Variants in SLC1A3 observed in about 807,000 individuals in gnomAD.
SLC1A3 encodes solute carrier family 1 member 3.
In SLC1A3, 21 loss-of-function variants were observed where a neutral mutation model predicts 48.1. The observed-to-expected ratio is 0.44, with a 90% CI of 0.31 to 0.63. The LOEUF (loss-of-function observed/expected upper bound fraction) is 0.63. Ranked by LOEUF, SLC1A3 falls within the 20% of genes least tolerant of loss-of-function variation. SLC1A3 has a pLI of 0.08. For missense variants in SLC1A3, 546 were observed against 689.0 expected, an observed-to-expected ratio of 0.79 and a Z score of 2.32; for synonymous variants, 239 against 251.4, an observed-to-expected ratio of 0.95 and a Z score of 0.47.
chr5:36,626,827 T>C (rs17368211), intron 2 of SLC1A3, among the ~76,000 whole-genome samples: 19,262 of 152,222 alleles, frequency 0.13, 1,447 homozygotes, highest in Non-Finnish European at 0.17. Flanking sequence ...ATAATGCACA[T>C]TGTAAATCAG....
rs142468556 is a variant in SLC1A3, at chr5:36,626,184, GTGT to G, written c.182-3259_182-3257del. Among the ~76,000 whole-genome samples, 156 of 152,264 alleles carry G rather than the reference GTGT, an allele frequency of 1.0e-3. 1 individual carries two copies. The highest frequency in any genetic ancestry group is 3.8e-3 in the African/African-American group (156 of 41,550). ...GAGGAAGAGGCTGTATACACAACCA[GTGT>G]TGTTGTATCAATGGGAGTAGAGTTA... On this transcript the variant is annotated intron_variant, in intron 2 of 9. Transcript: ENST00000265113.
intron 3 of SLC1A3, among the ~76,000 whole-genome samples, chr5:36,634,242 G>A (rs1418501513): frequency 6.6e-6 from 1 of 151,898 alleles, no homozygotes; most frequent in Non-Finnish European, 1.5e-5. Flanking sequence ...CGCCACTGTA[G>A]TCCAGCCTGG....
At chr5:36,623,877 A>G (rs910214493) in intron 2 of SLC1A3, among the ~76,000 whole-genome samples, 2 of 151,796 alleles carry the variant, frequency 1.3e-5, no homozygotes, top group Non-Finnish European at 2.9e-5. Flanking sequence ...AAAAAAAAAA[A>G]AAGAAAAGAA....
chr5:36,638,124 G>A (rs6861465), intron 3 of SLC1A3, among the ~76,000 whole-genome samples: 3 of 152,256 alleles, frequency 2.0e-5, no homozygotes, highest in Non-Finnish European at 2.9e-5. Flanking sequence ...ATACAGGGTC[G>A]CAGAGGTGTA....
At chr5:36,631,682 G>A (rs774186036) in intron 3 of SLC1A3, among the ~76,000 whole-genome samples, 2 of 152,164 alleles carry the variant, frequency 1.3e-5, no homozygotes, top group South Asian at 2.1e-4. Context: ...AATTTAGTTC[G>A]CCAAAGATCT....
At chr5:36,599,831 A>G (rs1369203031) in intron 1 of SLC1A3, among the ~76,000 whole-genome samples, 1 of 147,922 alleles carries the variant, frequency 6.8e-6, no homozygotes, top group African/African-American at 2.5e-5. Flanking sequence ...TTATTTATTT[A>G]TTTGAGACGG....
intron 7 of SLC1A3, 114 bp from the exon 8 acceptor site, chr5:36,680,281 C>A: frequency 1.2e-6 from 1 of 869,412 alleles, no homozygotes; most frequent in Non-Finnish European, 1.9e-6. Context: ...TGACTTAGTT[C>A]CCTTTAAGTT....
chr5:36,636,483 C>A (rs565524011), intron 3 of SLC1A3: 3 of 143,628 alleles, frequency 2.1e-5, no homozygotes, highest in Admixed American at 6.9e-5. Context: ...TTCTTTCTTT[C>A]TTTCTTTCTT....
At position 36,610,624 on chromosome 5, in the gene SLC1A3, C is replaced by T. The variant is rs1322746025; in HGVS notation, c.181+2020C>T. On this transcript the variant is annotated intron_variant, in intron 2 of 9. Coordinates refer to ENST00000265113, the MANE Select transcript of SLC1A3 (RefSeq NM_004172.5). ...GAAGGAAGTTCCTAAGTCATTAGTA[C>T]AAAGCAATAACATCTCTAATAAAAA... Among the ~76,000 whole-genome samples the T allele has an allele frequency of 3.3e-5, 5 of 152,094 alleles. No individual in the cohort carries two copies. The East Asian group carries it at 9.7e-4, about 30-fold the overall frequency.
intron 3 of SLC1A3, chr5:36,636,463 T>TTTTCTCTTTC (rs1554041159): frequency 4.4e-5 from 3 of 68,598 alleles, no homozygotes; most frequent in African/African-American, 7.3e-5. Context: ...TCTTTCTTTC[T>TTTTCTCTTTC]TTTCTTTCTT....
intron 3 of SLC1A3, among the ~76,000 whole-genome samples, chr5:36,653,039 G>A (rs1187643339): frequency 2.0e-5 from 3 of 152,170 alleles, no homozygotes; most frequent in Non-Finnish European, 4.4e-5. Context: ...CTTGTTTTAT[G>A]ACCTCTTAGA....
At chr5:36,637,290 G>A (rs1255927775) in intron 3 of SLC1A3, among the ~76,000 whole-genome samples, 1 of 152,194 alleles carries the variant, frequency 6.6e-6, no homozygotes, top group African/African-American at 2.4e-5. Flanking sequence ...TAAGCTTGTG[G>A]TCAACTAAAT....
At chr5:36,647,531 G>C (rs1740885412) in intron 3 of SLC1A3, among the ~76,000 whole-genome samples, 1 of 152,176 alleles carries the variant, frequency 6.6e-6, no homozygotes, top group Admixed American at 6.6e-5. Context: ...ACATTGCTTG[G>C]AAGAGAGAAG....
chr5:36,645,319 C>CTTTTTTTTTTTTTTTTTTT lies in SLC1A3; in HGVS notation c.319+15743_319+15761dup, dbSNP rs68027582. On this transcript the variant is annotated intron_variant, in intron 3 of 9. Coordinates refer to ENST00000265113, the MANE Select transcript of SLC1A3 (RefSeq NM_004172.5). ...ATCTTTGAGGACTGACTTCCGCTGCCTTTTTTTTTTTTTTTTTTTTTTTTT... is the reference window on the plus strand; with the variant it reads ...ATCTTTGAGGACTGACTTCCGCTGCCTTTTTTTTTTTTTTTTTTTTTTTTTTTTTTTTTTTTTTTTTTTT... Among the ~76,000 whole-genome samples, 18 of 84,272 alleles carry CTTTTTTTTTTTTTTTTTTT rather than the reference C, an allele frequency of 2.1e-4. 9 individuals are homozygous for CTTTTTTTTTTTTTTTTTTT. Among genetic ancestry groups the CTTTTTTTTTTTTTTTTTTT allele is most frequent in the African/African-American group, 1.7e-4 (4 of 23,446 alleles). 55.3% of individuals were successfully genotyped at this position (84,272 alleles called of 152,430 possible).
intron 3 of SLC1A3, among the ~76,000 whole-genome samples, chr5:36,645,977 T>C (rs1198116754): frequency 6.6e-6 from 1 of 152,248 alleles, no homozygotes; most frequent in Non-Finnish European, 1.5e-5. Flanking sequence ...ACTTCTTGCA[T>C]TGATATTGAT....
chr5:36,679,726 T>C lies in SLC1A3; in HGVS notation c.960T>C (p.Thr320=). ...IGGQLAMYTV[T]VIVGLLIHAV... ...GGCAGCTTGCCATGTACACCGTGAC[T>C]GTCATTGTTGGCTTACTCATTCACG... The change falls in exon 7 of 10, where the codon ACT becomes ACC. Residue 320 remains threonine (T), a synonymous_variant. Transcript: ENST00000265113. 1 of 1,614,108 alleles carries C rather than the reference T, an allele frequency of 6.2e-7. No homozygotes were observed. The highest frequency in any genetic ancestry group is 8.5e-7 in the Non-Finnish European group (1 of 1,179,960).
upstream of SLC1A3, among the ~76,000 whole-genome samples, chr5:36,602,056 G>A (rs1738815108): frequency 6.6e-6 from 1 of 152,106 alleles, no homozygotes; most frequent in East Asian, 1.9e-4. Context: ...AAACCCAGGG[G>A]GCCTTGGGAG....
At chr5:36,599,508 C>CTTTTT (rs1176214248) in intron 1 of SLC1A3, among the ~76,000 whole-genome samples, 1,790 of 78,136 alleles carry the variant, frequency 0.023, 222 homozygotes, top group African/African-American at 0.082. Context: ...TACGGTTGAA[C>CTTTTT]TTTTTTTTTT....
chr5:36,671,289 A>T (rs1442321244), intron 4 of SLC1A3, 56 bp downstream of exon 4: 4 of 1,251,600 alleles, frequency 3.2e-6, no homozygotes, highest in African/African-American at 1.5e-5. Flanking sequence ...AGACCCTCTT[A>T]CTGGTTACTA....
Sources: gnomAD v4.1 joint callset for allele counts (sites outside exome capture counted in the v4.1 genomes callset) on GRCh38, gnomAD v4.1.1 for gene constraint, MANE v1.5 for transcripts, NCBI Gene and HGNC (gene_info 2026-07-23, HGNC 2026-07-21) for gene names.